CROT: variants seen among roughly 807,000 people sequenced by gnomAD.
The protein encoded by CROT is carnitine O-octanoyltransferase.
In CROT, 84 loss-of-function variants were observed where a neutral mutation model predicts 89.2. The ratio of observed to expected loss-of-function variants is 0.94; its 90% CI spans 0.79 to 1.13. CROT has a LOEUF of 1.13. CROT is among the 50% of genes most tolerant of loss of function. CROT has a pLI of 0.00. For missense variants in CROT, 711 were observed against 727.8 expected, an observed-to-expected ratio of 0.98 and a Z score of 0.27; for synonymous variants, 212 against 239.5, an observed-to-expected ratio of 0.89 and a Z score of 1.06.
rs758272710 is a variant in CROT, at chr7:87,361,807, G to A, written c.502G>A (p.Val168Ile). ...CCGAATGCTATTTTCTACCTGCAAG[G>A]TTCCAGGAATTACTAGAGACTCCAT... ...QFRMLFSTCK[V>I]PGITRDSIMN... Residue 168 changes from valine (V) to isoleucine (I), a missense_variant, in exon 6 of 18, where the codon GTT becomes ATT. By Grantham distance (29) the Val-to-Ile change is conservative. Transcript: ENST00000331536. The A allele has an allele frequency of 9.9e-6, 16 of 1,608,768 alleles. No individual in the cohort carries two copies. Among genetic ancestry groups the A allele is most frequent in the Non-Finnish European group, 1.4e-5 (16 of 1,178,012 alleles).
At position 87,359,234 on chromosome 7, in the gene CROT, T is replaced by C. The variant is rs749524177; in HGVS notation, c.144T>C (p.Tyr48=). Residue 48 remains tyrosine, a synonymous_variant, in exon 4 of 18, where the codon TAT becomes TAC. Transcript: ENST00000331536. The part of the protein sequence containing the change: ...SVKPFANQEE[Y]KKTEEIVQKF... Reference sequence around the variant, plus strand: ...AACCATTTGCAAATCAAGAAGAATATAAGAAAACTGAAGAAATAGTTCAAA... The same window carrying C: ...AACCATTTGCAAATCAAGAAGAATACAAGAAAACTGAAGAAATAGTTCAAA... 8.2e-6 allele frequency: 13 copies of C among 1,588,926 alleles called. No homozygotes were observed. The highest frequency in any genetic ancestry group is 6.9e-6 in the Non-Finnish European group (8 of 1,160,472).
rs79494486 is a variant in CROT at position 87,358,848 on chromosome 7, G to A, written c.116-358G>A. On this transcript the variant is annotated intron_variant, in intron 3 of 17. Coordinates refer to ENST00000331536, the MANE Select transcript of CROT (RefSeq NM_021151.4). The stretch of plus-strand genomic sequence containing the variant: ...TGTGCAGTTCAAACTCGTGTTGTTC[G>A]AGTCAACCATGTCCTTAAAATATCC... 8.5e-3 allele frequency among the ~76,000 whole-genome samples: 1,295 copies of A among 152,144 alleles called. 21 individuals carry two copies. The highest frequency in any genetic ancestry group is 0.03 in the African/African-American group (1,243 of 41,486).
At chr7:87,364,904 C>G (rs1362887466) in intron 6 of CROT, among the ~76,000 whole-genome samples, 10 of 152,172 alleles carry the variant, frequency 6.6e-5, no homozygotes, top group Middle Eastern at 3.4e-3. Flanking sequence ...GAAATAAGAA[C>G]TGAGGTCATC....
chr7:87,357,451 T>A, intron 3 of CROT: 1 of 1,551,056 alleles, frequency 6.4e-7, no homozygotes, highest in Non-Finnish European at 8.7e-7. Flanking sequence ...GGCCAATTAG[T>A]GCTGTGCAGG....
intron 3 of CROT, among the ~76,000 whole-genome samples, chr7:87,351,471 G>C (rs888096327): frequency 6.6e-6 from 1 of 151,326 alleles, no homozygotes; most frequent in Non-Finnish European, 1.5e-5. Context: ...AGTTTTTCTG[G>C]TTTAGAAGGG....
chr7:87,371,562 C>G (rs910978237), intron 7 of CROT, among the ~76,000 whole-genome samples: 4 of 152,156 alleles, frequency 2.6e-5, no homozygotes, highest in African/African-American at 9.7e-5. Context: ...ATGTTCACAT[C>G]ATCTGATGTA....
intron 4 of CROT, among the ~76,000 whole-genome samples, chr7:87,360,471 C>A (rs1344116271): frequency 6.6e-6 from 1 of 152,036 alleles, no homozygotes; most frequent in African/African-American, 2.4e-5. Context: ...CTCCCATGCA[C>A]CTGGAATTGC....
At chr7:87,370,193 T>C (rs1360917250) in intron 7 of CROT, among the ~76,000 whole-genome samples, 1 of 151,772 alleles carries the variant, frequency 6.6e-6, no homozygotes, top group Non-Finnish European at 1.5e-5. Context: ...AAAAAATAAT[T>C]TTTTTTTTGA....
intron 17 of CROT, among the ~76,000 whole-genome samples, chr7:87,395,863 A>G (rs939766492): frequency 9.9e-5 from 15 of 152,174 alleles, no homozygotes; most frequent in Non-Finnish European, 2.1e-4. Flanking sequence ...CATTACATGC[A>G]GGACTCAATA....
chr7:87,369,620 AT>A (rs35374737), intron 7 of CROT, 136 bp downstream of exon 7: 297,823 of 388,526 alleles, frequency 0.77, 116,886 homozygotes, highest in Middle Eastern at 0.83. Flanking sequence ...TTAAAAAAAA[AT>A]CTATTTGTAT....
Position 87,375,662 on chromosome 7 carries a change from T to C in CROT, c.687T>C (p.His229=), listed in dbSNP as rs1256654344. Residue 229 remains histidine, a synonymous_variant, in exon 8 of 18, where the codon CAT becomes CAC. Coordinates refer to ENST00000331536, the MANE Select transcript of CROT (RefSeq NM_021151.4). ...RQLTYIHKKC[H]SEPDGPGIAA... Reference sequence around the variant, plus strand: ...TGACATATATCCACAAGAAGTGCCATAGTGAACCTGATGGACCTGGGATTG... The same window carrying C: ...TGACATATATCCACAAGAAGTGCCACAGTGAACCTGATGGACCTGGGATTG... 6.2e-7 allele frequency: 1 copy of C among 1,613,480 alleles called. No individual in the cohort carries two copies. Among genetic ancestry groups the C allele is most frequent in the Non-Finnish European group, 8.5e-7 (1 of 1,179,486 alleles).
intron 3 of CROT, among the ~76,000 whole-genome samples, chr7:87,351,498 C>G (rs1403136257): frequency 6.6e-6 from 1 of 150,448 alleles, no homozygotes; most frequent in African/African-American, 2.5e-5. Flanking sequence ...TAGTTTGTGC[C>G]CATTCTGTAA....
rs377506014 is a variant in CROT, at chr7:87,399,083, C to CTAAT, written c.*441_*444dup. The CTAAT allele has an allele frequency of 2.4e-5, 4 of 165,042 alleles. No homozygotes were observed. Among genetic ancestry groups the CTAAT allele is most frequent in the Admixed American group, 6.0e-5 (1 of 16,676 alleles). The allele number at this position is 165,042 out of a possible 1,614,324, so 10.2% of individuals were successfully genotyped here. ...AGGGTATGAATTACATTATTGTATGCTAATTTCCCTGAAATCAATGCCTTC... is the reference window on the plus strand; with the variant it reads ...AGGGTATGAATTACATTATTGTATGCTAATTAATTTCCCTGAAATCAATGCCTTC... On this transcript the variant is annotated 3_prime_UTR_variant, in exon 18 of 18. Transcript: ENST00000331536.
chr7:87,363,225 T>C (rs900038495), intron 6 of CROT, among the ~76,000 whole-genome samples: 1 of 152,168 alleles, frequency 6.6e-6, no homozygotes, highest in African/African-American at 2.4e-5. Flanking sequence ...ATATGGTGAT[T>C]GAAGCTGACA....
chr7:87,350,365 T>C (rs188028919), intron 3 of CROT, among the ~76,000 whole-genome samples: 5 of 152,312 alleles, frequency 3.3e-5, no homozygotes, highest in African/African-American at 1.2e-4. Flanking sequence ...AAGTTTCTCC[T>C]GTCAGAAGTG....
At chr7:87,390,261 G>T (rs1203317225) in intron 13 of CROT, among the ~76,000 whole-genome samples, 1 of 152,130 alleles carries the variant, frequency 6.6e-6, no homozygotes, top group Non-Finnish European at 1.5e-5. Context: ...AAGATTAAGA[G>T]TGTGTTTACT....
At chr7:87,394,545 A>G (rs1807463345) in intron 17 of CROT, among the ~76,000 whole-genome samples, 2 of 97,566 alleles carry the variant, frequency 2.0e-5, no homozygotes, top group Non-Finnish European at 4.1e-5. Flanking sequence ...AATCTAGTAT[A>G]AGTACTATTT....
rs1807651806 is a variant in CROT, at chr7:87,398,935, A to G, written c.*291A>G. On this transcript the variant is annotated 3_prime_UTR_variant, in exon 18 of 18. Transcript: ENST00000331536. ...CAACAATCCAAATCTACAAACTTTA[A>G]CAATGCAAGTCTTACTCTAATTTTT... is the stretch of plus-strand genomic sequence containing the variant. 3.3e-6 allele frequency: 1 copy of G among 299,082 alleles called. No individual in the cohort carries two copies. Among genetic ancestry groups the G allele is most frequent in the Non-Finnish European group, 6.2e-6 (1 of 161,376 alleles). The allele number at this position is 299,082 out of a possible 1,614,324, so 18.5% of individuals were successfully genotyped here.
chr7:87,376,537 C>A (rs528678064), intron 9 of CROT, among the ~76,000 whole-genome samples: 1 of 151,444 alleles, frequency 6.6e-6, no homozygotes, highest in Non-Finnish European at 1.5e-5. Flanking sequence ...ATCTCATAGT[C>A]TTTTGAAAAT....
Sources: gnomAD v4.1 joint callset for allele counts (sites outside exome capture counted in the v4.1 genomes callset) on GRCh38, gnomAD v4.1.1 for gene constraint, MANE v1.5 for transcripts, NCBI Gene and HGNC (gene_info 2026-07-23, HGNC 2026-07-21) for gene names.